The following USF3 variants were observed in gnomAD, a reference collection of about 807,000 sequenced individuals.
USF3 encodes basic helix-loop-helix domain-containing protein USF3.
USF3 carries 29 observed loss-of-function variants against 157.5 expected under a neutral mutation model. The observed-to-expected ratio is 0.18, with a 90% CI of 0.14 to 0.25. USF3 has a LOEUF of 0.25. Among genes scored for constraint, USF3 ranks in the 10% least tolerant of loss-of-function variants. The pLI is 1.00. For missense variants in USF3, 2,381 were observed against 2,667.6 expected, an observed-to-expected ratio of 0.89 and a Z score of 2.37; for synonymous variants, 893 against 941.4, an observed-to-expected ratio of 0.95 and a Z score of 0.94.
intron 1 of USF3, among the ~76,000 whole-genome samples, chr3:113,683,613 C>A (rs1707485690): frequency 6.6e-6 from 1 of 151,918 alleles, no homozygotes; most frequent in Admixed American, 6.6e-5. Context: ...GGACTACAGG[C>A]ACGCACCACC....
Position 113,658,870 on chromosome 3 carries a change from A to G in USF3, c.2812T>C (p.Cys938Arg). 1.9e-6 allele frequency: 3 copies of G among 1,614,238 alleles called. No individual in the cohort carries two copies. The highest frequency in any genetic ancestry group is 2.5e-6 in the Non-Finnish European group (3 of 1,180,026). The change falls in exon 7 of 7, where the codon TGC (cysteine) becomes CGC (arginine). Residue 938 changes from cysteine (C) to arginine (R), a missense_variant. Cys to Arg is a radical substitution (Grantham distance 180, BLOSUM62 -3). This residue lies in a region of USF3 where 1,435 missense variants were observed against 1,550.9 expected (regional missense o/e 0.93). Transcript: ENST00000316407. ...SLALSDAAKP[C>R]ASANVLIPSP... is the part of the protein sequence containing the mutation. ...GGAATCAATACATTGGCTGAAGCGCAGGGTTTGGCAGCATCTGATAATGCT... is the reference window on the plus strand; with the variant it reads ...GGAATCAATACATTGGCTGAAGCGCGGGGTTTGGCAGCATCTGATAATGCT...
intron 5 of USF3, among the ~76,000 whole-genome samples, chr3:113,666,202 A>G (rs2107933016): frequency 6.7e-6 from 1 of 148,338 alleles, no homozygotes; most frequent in East Asian, 2.0e-4. Context: ...TAATAAATAT[A>G]TATATATATA....
In USF3 at chr3:113,655,584, T is replaced by C. The variant is rs373643148; in HGVS notation, c.6098A>G (p.Lys2033Arg). ...CATGAAACGAACAATACTTCCTCTC[T>C]TCTCTGTGGCAGGTTGTTGACGTCC... ...ILGRQQPATE[K>R]RGSIVRFMPD... Residue 2033 changes from lysine to arginine, a missense_variant, in exon 7 of 7, where the codon AAG (lysine) becomes AGG (arginine). Around this residue, in one of 6 missense-constraint regions of USF3, gnomAD observed 770 missense variants for 824.2 expected, o/e 0.93. Transcript: ENST00000316407. The C allele has an allele frequency of 5.6e-6, 9 of 1,614,206 alleles. No individual in the cohort carries two copies. In the East Asian group the frequency reaches 1.8e-4, roughly 32 times the overall value.
At position 113,655,777 on chromosome 3, in the gene USF3, G is replaced by C. The variant is rs1369945759; in HGVS notation, c.5905C>G (p.Gln1969Glu). Residue 1969 changes from glutamine to glutamate, a missense_variant, in exon 7 of 7, where the codon CAA (glutamine) becomes GAA (glutamate). This residue lies in a region of USF3 where 770 missense variants were observed against 824.2 expected (regional missense o/e 0.93). Transcript: ENST00000316407. ...CTCTGGGGAACTGAAGAATTAGCTTGACGTACAGCAGGGCCTTGATCGCCA... is the reference window on the plus strand; with the variant it reads ...CTCTGGGGAACTGAAGAATTAGCTTCACGTACAGCAGGGCCTTGATCGCCA... ...GNGDQGPAVR[Q>E]ANSSVPQRSR... The C allele has an allele frequency of 6.2e-7, 1 of 1,614,150 alleles. No individual in the cohort carries two copies. The highest frequency in any genetic ancestry group is 1.3e-5 in the African/African-American group (1 of 75,044).
At chr3:113,696,235 G>C (rs935484825) in intron 1 of USF3, 135 bp downstream of exon 1, 1 of 152,670 alleles carries the variant, frequency 6.6e-6, no homozygotes, top group Non-Finnish European at 1.5e-5. Flanking sequence ...GGCGCACTTA[G>C]CGCAGCCCTG....
chr3:113,690,084 A>G (rs184462167), intron 1 of USF3, among the ~76,000 whole-genome samples: 2 of 152,340 alleles, frequency 1.3e-5, no homozygotes, highest in Non-Finnish European at 2.9e-5. Flanking sequence ...TGAACAAATT[A>G]ACAAGTCTGT....
chr3:113,678,049 C>A (rs1168764648), intron 1 of USF3, among the ~76,000 whole-genome samples: 1 of 148,970 alleles, frequency 6.7e-6, no homozygotes, highest in African/African-American at 2.5e-5. Flanking sequence ...CTCCCTTCCT[C>A]CCTCGCTCCC....
rs1266464109 is a variant in USF3, at chr3:113,652,108, A to AGAGAGAGAGTGTGTGTGTGTGT, written c.*2835_*2836insACACACACACACACTCTCTCTC. 7.0e-6 allele frequency: 1 copy of AGAGAGAGAGTGTGTGTGTGTGT among 141,978 alleles called. No homozygotes were observed. Among genetic ancestry groups the AGAGAGAGAGTGTGTGTGTGTGT allele is most frequent in the African/African-American group, 2.6e-5 (1 of 38,276 alleles). 8.8% of individuals were successfully genotyped at this position (141,978 alleles called of 1,614,324 possible). A position where few individuals can be genotyped will look rare whatever the true frequency, so the allele number is the denominator to read the frequency against. On this transcript the variant is annotated 3_prime_UTR_variant, in exon 7 of 7. Transcript: ENST00000316407. The stretch of plus-strand genomic sequence containing the variant: ...TGGAGAGAGAGAGAGAGAGAGAGAG[A>AGAGAGAGAGTGTGTGTGTGTGT]GTGTGTGTGTGTGTGTGTGTGTGTG...
rs779727604 is a variant in USF3 at position 113,659,269 on chromosome 3, A to C, written c.2413T>G (p.Leu805Val). The change falls in exon 7 of 7, where the codon TTA (leucine) becomes GTA (valine). Residue 805 changes from leucine (L) to valine (V), a missense_variant. Around this residue, in one of 6 missense-constraint regions of USF3, gnomAD observed 1,435 missense variants for 1,550.9 expected, o/e 0.93. Coordinates refer to ENST00000316407, the MANE Select transcript of USF3 (RefSeq NM_001009899.4). ...LNKKPGGRKH[L>V]AANKSACPLN... ...GGACACGCTGACTTGTTTGCTGCTA[A>C]GTGTTTCCTGCCACCTGGCTTCTTA... The C allele has an allele frequency of 1.2e-6, 2 of 1,614,172 alleles. No homozygotes were observed. Among genetic ancestry groups the C allele is most frequent in the Non-Finnish European group, 1.7e-6 (2 of 1,180,028 alleles).
At position 113,656,917 on chromosome 3, in the gene USF3, G is replaced by C. The variant is rs199967580; in HGVS notation, c.4765C>G (p.His1589Asp). 252 of 1,614,168 alleles carry C rather than the reference G, an allele frequency of 1.6e-4. 2 individuals carry two copies. In the African/African-American group the frequency reaches 2.3e-3, roughly 15 times the overall value. The stretch of plus-strand genomic sequence containing the variant: ...TTGAGATGGTTCTGGGGATGGTTAT[G>C]ATGGTTCCGACTAGTTGAAGGGTTT... Reference protein sequence around the residue: ...CENPSTSRNHHNHPQNHLNQD... With the variant: ...CENPSTSRNHDNHPQNHLNQD... Residue 1589 changes from histidine (H) to aspartate (D), a missense_variant, in exon 7 of 7, where the codon CAT becomes GAT. This residue lies in a region of USF3 where 770 missense variants were observed against 824.2 expected (regional missense o/e 0.93). Coordinates refer to ENST00000316407, the MANE Select transcript of USF3 (RefSeq NM_001009899.4).
intron 6 of USF3, among the ~76,000 whole-genome samples, chr3:113,662,242 A>C (rs1168037497): frequency 2.0e-5 from 3 of 152,256 alleles, no homozygotes; most frequent in Non-Finnish European, 2.9e-5. Context: ...AAGTGGCACC[A>C]AAGTGCACCA....
chr3:113,655,594 C>T lies in USF3; in HGVS notation c.6088G>A (p.Ala2030Thr), dbSNP rs1372801951. The change falls in exon 7 of 7, where the codon GCC becomes ACC. Residue 2030 changes from alanine to threonine, a missense_variant. By Grantham distance (58) the Ala-to-Thr change is moderately conservative. Around this residue, in one of 6 missense-constraint regions of USF3, gnomAD observed 770 missense variants for 824.2 expected, o/e 0.93. Coordinates refer to ENST00000316407, the MANE Select transcript of USF3 (RefSeq NM_001009899.4). ...ACAATACTTCCTCTCTTCTCTGTGGCAGGTTGTTGACGTCCAAGAATCATA... is the reference window on the plus strand; with the variant it reads ...ACAATACTTCCTCTCTTCTCTGTGGTAGGTTGTTGACGTCCAAGAATCATA... ...GSMILGRQQPATEKRGSIVRF... is the reference protein window; with the variant it reads ...GSMILGRQQPTTEKRGSIVRF... 6.2e-7 allele frequency: 1 copy of T among 1,613,966 alleles called. No individual in the cohort carries two copies. The highest frequency in any genetic ancestry group is 8.5e-7 in the Non-Finnish European group (1 of 1,179,976).
In USF3 at chr3:113,670,022, G is replaced by A. The variant is rs545011184; in HGVS notation, c.159+99C>T. Reference sequence around the variant, plus strand: ...ATTAACTTCAAAAGAACCATACATAGAAATAGAAAGCAACAAAAATAATCA... The same window carrying A: ...ATTAACTTCAAAAGAACCATACATAAAAATAGAAAGCAACAAAAATAATCA... On this transcript the variant is annotated intron_variant, in intron 5 of 6. Coordinates refer to ENST00000316407, the MANE Select transcript of USF3 (RefSeq NM_001009899.4). The A allele has an allele frequency of 3.2e-4, 242 of 766,654 alleles. 4 individuals carry two copies. The South Asian group carries it at 3.6e-3, about 11-fold the overall frequency. The allele number at this position is 766,654 out of a possible 1,614,324, so 47.5% of individuals were successfully genotyped here. A position where few individuals can be genotyped will look rare whatever the true frequency, so the allele number is the denominator to read the frequency against.
At chr3:113,674,608 G>C (rs1298520119) in intron 3 of USF3, among the ~76,000 whole-genome samples, 1 of 152,210 alleles carries the variant, frequency 6.6e-6, no homozygotes, top group African/African-American at 2.4e-5. Context: ...CTCCCAAAGT[G>C]CTGGGATTAT....
chr3:113,690,956 G>A (rs1251570025), intron 1 of USF3, among the ~76,000 whole-genome samples: 1 of 152,182 alleles, frequency 6.6e-6, no homozygotes, highest in African/African-American at 2.4e-5. Context: ...GAGAGGCCAA[G>A]GGAGGTGGCT....
chr3:113,688,465 A>G (rs1331483520), intron 1 of USF3, among the ~76,000 whole-genome samples: 1 of 152,174 alleles, frequency 6.6e-6, no homozygotes, highest in Non-Finnish European at 1.5e-5. Context: ...TCTGTCTCTC[A>G]TCAATTACTC....
At position 113,670,135 on chromosome 3, in the gene USF3, GA is replaced by G; in HGVS notation, c.144del (p.Pro49LeufsTer3). ...AGACTTCTTACCTGCTTCAGGGCAG[GA>G]GAACATGGGATCAGCTCTCCTATTC... ...INRIGELIPC[S>X]PALKQSKNMI... On this transcript the variant is annotated frameshift_variant, in exon 5 of 7. Transcript: ENST00000316407. LOFTEE classifies it high-confidence loss of function. The G allele has an allele frequency of 6.2e-7, 1 of 1,611,734 alleles. No homozygotes were observed. Among genetic ancestry groups the G allele is most frequent in the East Asian group, 2.2e-5 (1 of 44,872 alleles).
intron 2 of USF3, among the ~76,000 whole-genome samples, chr3:113,676,746 C>T (rs1449483841): frequency 6.6e-6 from 1 of 152,072 alleles, no homozygotes; most frequent in Non-Finnish European, 1.5e-5. Flanking sequence ...GAAAAAGTAG[C>T]AAGTATGAAG....
intron 1 of USF3, among the ~76,000 whole-genome samples, chr3:113,690,134 T>C (rs1214813924): frequency 6.6e-6 from 1 of 152,238 alleles, no homozygotes; most frequent in Non-Finnish European, 1.5e-5. Context: ...AAGAGATCTA[T>C]TTCCAAGTTC....
Sources: gnomAD v4.1 joint callset for allele counts (sites outside exome capture counted in the v4.1 genomes callset) on GRCh38, gnomAD v4.1.1 for gene constraint, gnomAD v4.1.1 regional missense constraint, MANE v1.5 for transcripts, NCBI Gene and HGNC (gene_info 2026-07-23, HGNC 2026-07-21) for gene names.